Variants in EVI5 observed in about 807,000 individuals in gnomAD.
EVI5 encodes ecotropic viral integration site 5.
In EVI5, 73 loss-of-function variants were observed where a neutral mutation model predicts 112.0. The observed-to-expected ratio is 0.65, with a 90% CI of 0.54 to 0.79. EVI5 has a LOEUF of 0.79. Ranked by LOEUF, EVI5 falls within the 30% of genes least tolerant of loss-of-function variation. The pLI is 0.00. For missense variants in EVI5, 900 were observed against 968.8 expected (o/e 0.93, Z 0.94); for synonymous variants, 305 against 319.9 (o/e 0.95, Z 0.50).
chr1:92,629,244 C>T (rs946921679), intron 14 of EVI5, among the ~76,000 whole-genome samples: 1 of 152,114 alleles, frequency 6.6e-6, no homozygotes, highest in African/African-American at 2.4e-5. Flanking sequence ...AGCTTTCTAG[C>T]AAAATTATTC....
Position 92,690,021 on chromosome 1 carries a change from C to A in EVI5, c.1097+3781G>T, listed in dbSNP as rs180892165. The stretch of plus-strand genomic sequence containing the variant: ...TTCCCACCTCAGCCTATGGAAAAGC[C>A]AGGACTACAGGCACCTGGTTAGCTT... On this transcript the variant is annotated intron_variant, in intron 9 of 19. Transcript: ENST00000684568. Among the ~76,000 whole-genome samples, 7 of 152,132 alleles carry A rather than the reference C, an allele frequency of 4.6e-5. No individual in the cohort carries two copies. In the East Asian group the frequency reaches 1.2e-3, roughly 25 times the overall value.
At chr1:92,779,058 C>T (rs1293419045) in intron 1 of EVI5, among the ~76,000 whole-genome samples, 1 of 151,952 alleles carries the variant, frequency 6.6e-6, no homozygotes, top group Non-Finnish European at 1.5e-5. Flanking sequence ...TAGGGTAAAA[C>T]AACATGTCCT....
chr1:92,759,308 T>C (rs929492384), intron 1 of EVI5, among the ~76,000 whole-genome samples: 5 of 152,130 alleles, frequency 3.3e-5, no homozygotes, highest in Non-Finnish European at 7.4e-5. Context: ...AAGAAGAAAA[T>C]TTAATTGTCA....
chr1:92,601,010 TG>T (rs953637625), intron 18 of EVI5, among the ~76,000 whole-genome samples: 10 of 151,996 alleles, frequency 6.6e-5, no homozygotes, highest in Admixed American at 2.0e-4. Flanking sequence ...CAAAAGTAAG[TG>T]GTGGTAGCAA....
chr1:92,669,706 T>C (rs1665539763), intron 10 of EVI5, among the ~76,000 whole-genome samples: 3 of 152,094 alleles, frequency 2.0e-5, no homozygotes, highest in Admixed American at 2.0e-4. Flanking sequence ...AGATATACTT[T>C]TATTTTTATT....
chr1:92,738,144 G>A (rs139606540), intron 1 of EVI5, among the ~76,000 whole-genome samples: 40 of 152,248 alleles, frequency 2.6e-4, no homozygotes, highest in East Asian at 1.7e-3. Context: ...GCAAAAGGCC[G>A]TATAGGAACC....
chr1:92,732,425 G>C (rs1320653225), intron 2 of EVI5: 1 of 240,140 alleles, frequency 4.2e-6, no homozygotes, highest in African/African-American at 2.3e-5. Context: ...CAGCTGCAAA[G>C]GAATTGCATT....
chr1:92,590,139 C>G lies in EVI5; in HGVS notation c.2070+15168G>C, dbSNP rs185698917. ...TACGTCACCATCATCGAAGACCAAA[C>G]GTAGATAAAACCACAAAGATGCGGA... On this transcript the variant is annotated intron_variant, in intron 18 of 19. Transcript: ENST00000684568. Among the ~76,000 whole-genome samples the G allele has an allele frequency of 7.5e-4, 114 of 152,182 alleles. 1 individual carries two copies. Among genetic ancestry groups the G allele is most frequent in the Admixed American group, 4.6e-3 (71 of 15,282 alleles).
chr1:92,548,795 T>C (rs563603012), intron 19 of EVI5, among the ~76,000 whole-genome samples: 2 of 152,278 alleles, frequency 1.3e-5, no homozygotes, highest in East Asian at 1.9e-4. Flanking sequence ...ACAAGGGATA[T>C]GAAGGACCTC....
intron 19 of EVI5, among the ~76,000 whole-genome samples, chr1:92,516,923 A>G (rs1031998014): frequency 6.6e-6 from 1 of 152,066 alleles, no homozygotes; most frequent in African/African-American, 2.4e-5. Context: ...GGGTATTATC[A>G]GTAGCAAACT....
At chr1:92,660,023 A>G (rs1001512885) in intron 13 of EVI5, among the ~76,000 whole-genome samples, 1 of 152,042 alleles carries the variant, frequency 6.6e-6, no homozygotes, top group South Asian at 2.1e-4. Context: ...ATGAGAAATA[A>G]TGTATACACA....
chr1:92,759,484 CAT>C (rs1283560883), intron 1 of EVI5, among the ~76,000 whole-genome samples: 3 of 152,136 alleles, frequency 2.0e-5, no homozygotes, highest in Non-Finnish European at 4.4e-5. Context: ...TATAGTAAAA[CAT>C]ATAAAATTTG....
intron 13 of EVI5, among the ~76,000 whole-genome samples, chr1:92,651,257 A>G (rs1662033436): frequency 6.6e-6 from 1 of 152,246 alleles, no homozygotes; most frequent in Non-Finnish European, 1.5e-5. Context: ...AATACAAAGT[A>G]TTTACACAAA....
intron 18 of EVI5, among the ~76,000 whole-genome samples, chr1:92,585,711 T>C (rs1022916938): frequency 1.3e-5 from 2 of 152,146 alleles, no homozygotes; most frequent in Middle Eastern, 6.8e-3. Context: ...AGATAGAGAG[T>C]TCCCACATAC....
At chr1:92,607,792 C>G in intron 16 of EVI5, 65 bp from the exon 17 acceptor site, 1 of 1,098,530 alleles carries the variant, frequency 9.1e-7, no homozygotes, top group Non-Finnish European at 1.3e-6. Context: ...AAAAAATTAC[C>G]TATCCATTTT....
Position 92,563,642 on chromosome 1 carries a change from C to T in EVI5, c.2166G>A (p.Glu722=), listed in dbSNP as rs770836862. 2 of 1,524,886 alleles carry T rather than the reference C, an allele frequency of 1.3e-6. No homozygotes were observed. The highest frequency in any genetic ancestry group is 2.3e-5 in the East Asian group (1 of 43,460). 94.5% of individuals were successfully genotyped at this position (1,524,886 alleles called of 1,614,324 possible). The change falls in exon 19 of 20, where the codon GAG becomes GAA. Residue 722 remains glutamate, a splice_region_variant and synonymous_variant. Transcript: ENST00000684568. The part of the protein sequence containing the change: ...LKDQIAELNH[E]LRCLKGQRGF... ...GTGAAGATCAAAATTTATCACTTAC[C>T]TCATGATTCAGCTCTGCTATCTGAT...
rs532715716 is a variant in EVI5 at position 92,541,029 on chromosome 1, G to A, written c.2166+22613C>T. ...GCGGAGGTTGCAGTGAGCTGAGATC[G>A]TGCCACTGCACTCCAGCCTGAGTGA... is the stretch of plus-strand genomic sequence containing the variant. On this transcript the variant is annotated intron_variant, in intron 19 of 19. Coordinates refer to ENST00000684568, the MANE Select transcript of EVI5 (RefSeq NM_001350197.2). Among the ~76,000 whole-genome samples the A allele has an allele frequency of 4.9e-4, 75 of 152,228 alleles. 1 individual carries two copies. In the South Asian group the frequency reaches 0.015, roughly 31 times the overall value.
At chr1:92,789,710 C>G (rs995279432), upstream of EVI5, among the ~76,000 whole-genome samples, 1 of 152,140 alleles carries the variant, frequency 6.6e-6, no homozygotes, top group Non-Finnish European at 1.5e-5. Context: ...GAGGGGAACC[C>G]CTCTAAACTT....
chr1:92,784,739 C>T (rs1054875048), intron 1 of EVI5, 97 bp downstream of exon 1: 2 of 892,132 alleles, frequency 2.2e-6, no homozygotes, highest in Admixed American at 6.2e-5. Context: ...CGGCGGCCCC[C>T]GCCCGCCGCG....
Sources: gnomAD v4.1 joint callset for allele counts (sites outside exome capture counted in the v4.1 genomes callset) on GRCh38, gnomAD v4.1.1 for gene constraint, MANE v1.5 for transcripts, NCBI Gene and HGNC (gene_info 2026-07-23, HGNC 2026-07-21) for gene names.